The following CYFIP1 variants were observed in gnomAD, a reference collection of about 807,000 sequenced individuals.
CYFIP1 encodes the protein cytoplasmic FMR1-interacting protein 1.
In CYFIP1, 58 loss-of-function variants were observed where a neutral mutation model predicts 163.5. The observed-to-expected ratio is 0.35, with a 90% CI of 0.29 to 0.44. The LOEUF (loss-of-function observed/expected upper bound fraction) is 0.44, where lower values mean the gene tolerates loss of function less well. Among genes scored for constraint, CYFIP1 ranks in the 20% least tolerant of loss-of-function variants. The probability of loss-of-function intolerance (pLI) is 1.00; values close to 1 mark genes in which losing one functional copy is unlikely to be tolerated. For missense variants in CYFIP1, 1,338 were observed against 1,653.8 expected, an observed-to-expected ratio of 0.81 and a Z score of 3.31; for synonymous variants, 663 against 660.7, an observed-to-expected ratio of 1.00 and a Z score of -0.05.
At chr15:22,870,926 G>C (rs574699293) in intron 30 of CYFIP1, among the ~76,000 whole-genome samples, 2 of 152,186 alleles carry the variant, frequency 1.3e-5, no homozygotes, top group African/African-American at 2.4e-5. Flanking sequence ...GAACATACAC[G>C]CAAACAAAAC....
intron 30 of CYFIP1, among the ~76,000 whole-genome samples, chr15:22,871,334 G>A (rs2059428169): frequency 6.6e-6 from 1 of 152,186 alleles, no homozygotes; most frequent in African/African-American, 2.4e-5. Context: ...GTTCAGTTAA[G>A]ACAATAAAAC....
chr15:22,924,749 T>C (rs1437360569), intron 13 of CYFIP1, among the ~76,000 whole-genome samples: 1 of 152,014 alleles, frequency 6.6e-6, no homozygotes, highest in Non-Finnish European at 1.5e-5. Flanking sequence ...AAGATGAGAA[T>C]TTACTATGAA....
intron 14 of CYFIP1, among the ~76,000 whole-genome samples, chr15:22,918,171 C>T (rs903955316): frequency 1.3e-5 from 2 of 152,200 alleles, no homozygotes; most frequent in African/African-American, 4.8e-5. Flanking sequence ...CTCCAGTTCG[C>T]ATCTGTTAGC....
chr15:22,967,465 G>C (rs1341303008), intron 1 of CYFIP1, among the ~76,000 whole-genome samples: 2 of 152,200 alleles, frequency 1.3e-5, no homozygotes, highest in Admixed American at 1.3e-4. Context: ...TATGTGAAGA[G>C]GAAGAACTCG....
intron 11 of CYFIP1, among the ~76,000 whole-genome samples, chr15:22,931,119 C>A (rs1348258237): frequency 6.6e-6 from 1 of 152,180 alleles, no homozygotes; most frequent in Non-Finnish European, 1.5e-5. Flanking sequence ...GGACAGGGTG[C>A]TCATCGTCCT....
intron 10 of CYFIP1, among the ~76,000 whole-genome samples, chr15:22,932,790 G>GA (rs896734789): frequency 6.6e-6 from 1 of 152,130 alleles, no homozygotes; most frequent in Admixed American, 6.5e-5. Flanking sequence ...AGGATTTAGG[G>GA]CCACATTGTC....
intron 1 of CYFIP1, among the ~76,000 whole-genome samples, chr15:22,956,988 G>A (rs1001369562): frequency 6.6e-6 from 1 of 152,256 alleles, no homozygotes; most frequent in African/African-American, 2.4e-5. Context: ...TGTTAAAATA[G>A]AAACTGCCAA....
At chr15:22,872,270 G>A (rs1420677962) in intron 30 of CYFIP1, among the ~76,000 whole-genome samples, 2 of 140,508 alleles carry the variant, frequency 1.4e-5, no homozygotes, top group Non-Finnish European at 3.0e-5. Context: ...ACCCCAGCCT[G>A]AGCAACAAGA....
intron 1 of CYFIP1, among the ~76,000 whole-genome samples, chr15:22,952,621 C>T (rs2062292324): frequency 8.0e-6 from 1 of 124,646 alleles, no homozygotes; most frequent in East Asian, 2.7e-4. Flanking sequence ...CACCACTGCA[C>T]TCCAACCCCA....
rs112553609 is a variant in CYFIP1 at position 22,964,388 on chromosome 15, C to T, written c.-7+15899G>A. On this transcript the variant is annotated intron_variant, in intron 1 of 30. Transcript: ENST00000617928. ...ACACACACACACACACACACACACA[C>T]ACACACACACACACACACACCCGGC... Among the ~76,000 whole-genome samples the T allele has an allele frequency of 9.1e-3, 1,347 of 148,264 alleles. 30 individuals carry two copies. Among genetic ancestry groups the T allele is most frequent in the African/African-American group, 0.033 (1,289 of 38,990 alleles).
In CYFIP1 at chr15:22,882,916, C is replaced by T. The variant is rs765338971; in HGVS notation, c.2772G>A (p.Gln924=). The change falls in exon 24 of 31, where the codon CAG becomes CAA. Residue 924 remains glutamine, a synonymous_variant. Coordinates refer to ENST00000617928, the MANE Select transcript of CYFIP1 (RefSeq NM_014608.6). The stretch of plus-strand genomic sequence containing the variant: ...GCTCCTCCATGACCACGGCGATACC[C>T]TGGTAGCCGAGAAGCCGGCAGATGA... ...FQVICRLLGY[Q]GIAVVMEELL... The T allele has an allele frequency of 2.5e-6, 4 of 1,613,970 alleles. No homozygotes were observed. The highest frequency in any genetic ancestry group is 2.2e-5 in the East Asian group (1 of 44,880).
chr15:22,963,561 AAG>A (rs2062780557), intron 1 of CYFIP1, among the ~76,000 whole-genome samples: 6 of 99,328 alleles, frequency 6.0e-5, no homozygotes, highest in Non-Finnish European at 4.6e-5. Flanking sequence ...TAACATAAGA[AAG>A]AATGAAATAT....
chr15:22,882,781 T>C, intron 24 of CYFIP1, 87 bp downstream of exon 24: 7 of 1,472,622 alleles, frequency 4.8e-6, no homozygotes, highest in East Asian at 2.3e-5. Flanking sequence ...TGTTGGAGAA[T>C]CACAGTCCAG....
chr15:22,934,639 A>T (rs1342928154), intron 9 of CYFIP1, among the ~76,000 whole-genome samples: 1 of 150,914 alleles, frequency 6.6e-6, no homozygotes, highest in Non-Finnish European at 1.5e-5. Flanking sequence ...CTGGGACTAC[A>T]GGCAACTGCC....
At chr15:22,941,067 T>G (rs773801423) in intron 6 of CYFIP1, among the ~76,000 whole-genome samples, 34 of 152,122 alleles carry the variant, frequency 2.2e-4, no homozygotes, top group Non-Finnish European at 4.3e-4. Flanking sequence ...TCCTTTTTTT[T>G]TAAATAGACA....
chr15:22,915,031 G>A (rs1056139839), intron 16 of CYFIP1, 149 bp from the exon 17 acceptor site: 40 of 730,000 alleles, frequency 5.5e-5, no homozygotes, highest in East Asian at 2.4e-4. Flanking sequence ...AGGGGTCACC[G>A]GGGCCTTGCA....
At chr15:22,928,185 A>G (rs1000244864) in intron 11 of CYFIP1, among the ~76,000 whole-genome samples, 157 bp from the exon 12 acceptor site, 1 of 152,108 alleles carries the variant, frequency 6.6e-6, no homozygotes, top group Non-Finnish European at 1.5e-5. Flanking sequence ...GGAGATCCAG[A>G]CCATCCTAAA....
chr15:22,943,374 G>A lies in CYFIP1; in HGVS notation c.388-20C>T. On this transcript the variant is annotated intron_variant, in intron 5 of 30. Coordinates refer to ENST00000617928, the MANE Select transcript of CYFIP1 (RefSeq NM_014608.6). ...ATTTCTCTGTGCAGAGGAAGCAGGA[G>A]GGCAGAAAGCTGCAGGTCAGTGAGG... 1 of 1,611,120 alleles carries A rather than the reference G, an allele frequency of 6.2e-7. No homozygotes were observed. Among genetic ancestry groups the A allele is most frequent in the African/African-American group, 1.3e-5 (1 of 75,008 alleles).
At chr15:22,872,471 A>C (rs1311905459) in intron 30 of CYFIP1, among the ~76,000 whole-genome samples, 1 of 152,186 alleles carries the variant, frequency 6.6e-6, no homozygotes, top group Non-Finnish European at 1.5e-5. Context: ...GAATTCAACT[A>C]TGAGGGATCC....
Sources: allele counts gnomAD v4.1 joint callset (sites outside exome capture counted in the v4.1 genomes callset), GRCh38; gene constraint gnomAD v4.1.1; transcripts MANE v1.5; gene names NCBI Gene and HGNC (gene_info 2026-07-23, HGNC 2026-07-21).